The following TMTC1 variants were observed in gnomAD, a reference collection of about 807,000 sequenced individuals.
The protein encoded by TMTC1 is transmembrane O-mannosyltransferase targeting cadherins 1, also known as protein O-mannosyl-transferase TMTC1.
Under a neutral mutation model 104.8 loss-of-function variants are expected in TMTC1, and 73 were observed. That is an observed-to-expected ratio of 0.70 (90% CI 0.58 to 0.85). The LOEUF (loss-of-function observed/expected upper bound fraction) is 0.85. Ranked by LOEUF, TMTC1 falls within the 40% of genes least tolerant of loss-of-function variation. TMTC1 has a pLI of 0.00. For synonymous variants in TMTC1, 434 were observed against 428.7 expected, an observed-to-expected ratio of 1.01 and a Z score of -0.15; for missense variants, 1,035 against 1,096.1, an observed-to-expected ratio of 0.94 and a Z score of 0.79.
At chr12:29,619,278 T>C (rs1947067587) in intron 6 of TMTC1, among the ~76,000 whole-genome samples, 7 of 152,152 alleles carry the variant, frequency 4.6e-5, no homozygotes, top group Admixed American at 4.6e-4. Flanking sequence ...AGACAAATGA[T>C]TTAGCGATGT....
At chr12:29,539,308 T>A (rs962776906) in intron 10 of TMTC1, among the ~76,000 whole-genome samples, 1 of 150,894 alleles carries the variant, frequency 6.6e-6, no homozygotes, top group East Asian at 2.0e-4. Flanking sequence ...TTATCCCATA[T>A]TAAAAATCAG....
At chr12:29,684,962 C>A (rs972499038) in intron 5 of TMTC1, among the ~76,000 whole-genome samples, 1 of 152,040 alleles carries the variant, frequency 6.6e-6, no homozygotes, top group Non-Finnish European at 1.5e-5. Flanking sequence ...TTCTACAAAC[C>A]TTTTTTCCCT....
intron 5 of TMTC1, among the ~76,000 whole-genome samples, chr12:29,686,527 T>A (rs1941099210): frequency 6.6e-6 from 1 of 152,194 alleles, no homozygotes; most frequent in Non-Finnish European, 1.5e-5. Context: ...ATGACATTAC[T>A]GTAGATGGAG....
At chr12:29,561,400 G>A (rs936976657) in intron 9 of TMTC1, among the ~76,000 whole-genome samples, 4 of 152,160 alleles carry the variant, frequency 2.6e-5, no homozygotes, top group African/African-American at 9.7e-5. Flanking sequence ...AGTGGCAGAA[G>A]TGAAATAAAC....
intron 5 of TMTC1, among the ~76,000 whole-genome samples, chr12:29,662,776 T>A (rs925241319): frequency 6.6e-6 from 1 of 151,812 alleles, no homozygotes; most frequent in Non-Finnish European, 1.5e-5. Context: ...CCTTCTCACC[T>A]CTCTTTTCCT....
At chr12:29,579,387 A>G (rs1257554955) in intron 8 of TMTC1, among the ~76,000 whole-genome samples, 1 of 152,242 alleles carries the variant, frequency 6.6e-6, no homozygotes, top group Non-Finnish European at 1.5e-5. Context: ...GACCTTTACA[A>G]AAGAATCTGT....
chr12:29,584,297 C>G (rs188252216), intron 7 of TMTC1, among the ~76,000 whole-genome samples: 19 of 152,150 alleles, frequency 1.2e-4, no homozygotes, highest in South Asian at 2.1e-4. Context: ...CATCTATGCA[C>G]CAACAGAGAT....
chr12:29,570,154 G>C (rs1945627499), intron 9 of TMTC1, among the ~76,000 whole-genome samples: 1 of 151,628 alleles, frequency 6.6e-6, no homozygotes, highest in Non-Finnish European at 1.5e-5. Context: ...CTCCCTTCAA[G>C]AATGCCATCT....
intron 1 of TMTC1, among the ~76,000 whole-genome samples, chr12:29,774,456 GAA>G (rs1306726944): frequency 6.6e-6 from 1 of 151,900 alleles, no homozygotes; most frequent in African/African-American, 2.4e-5. Context: ...ACAAACCAGG[GAA>G]AACCAAAAAT....
At chr12:29,648,007 A>C (rs1939346161) in intron 5 of TMTC1, among the ~76,000 whole-genome samples, 2 of 152,206 alleles carry the variant, frequency 1.3e-5, no homozygotes, top group South Asian at 4.1e-4. Context: ...CCTATGCAGA[A>C]GCCATACTTG....
intron 5 of TMTC1, among the ~76,000 whole-genome samples, chr12:29,690,069 T>C (rs1941220637): frequency 6.6e-6 from 1 of 152,202 alleles, no homozygotes; most frequent in African/African-American, 2.4e-5. Context: ...TGGAACTCAG[T>C]TCAAATACCT....
intron 9 of TMTC1, among the ~76,000 whole-genome samples, chr12:29,562,861 T>G (rs1320695367): frequency 2.0e-5 from 3 of 152,202 alleles, no homozygotes; most frequent in Non-Finnish European, 2.9e-5. Flanking sequence ...GTGATTTGAC[T>G]GGCTCCCTCT....
intron 5 of TMTC1, among the ~76,000 whole-genome samples, chr12:29,687,751 G>A (rs566143678): frequency 1.3e-5 from 2 of 152,222 alleles, no homozygotes; most frequent in African/African-American, 4.8e-5. Flanking sequence ...GGTGCCTGGT[G>A]AGGGATCTCT....
intron 9 of TMTC1, among the ~76,000 whole-genome samples, 189 bp from the exon 10 acceptor site, chr12:29,557,189 G>GA (rs1945268388): frequency 6.6e-6 from 1 of 152,168 alleles, no homozygotes; most frequent in Non-Finnish European, 1.5e-5. Flanking sequence ...TTAGGGCAGG[G>GA]ATGCACATAT....
At chr12:29,685,080 A>G (rs1390804276) in intron 5 of TMTC1, among the ~76,000 whole-genome samples, 1 of 152,092 alleles carries the variant, frequency 6.6e-6, no homozygotes, top group Non-Finnish European at 1.5e-5. Context: ...ACACATTTTT[A>G]TTTTTACAGC....
intron 2 of TMTC1, 128 bp downstream of exon 2, chr12:29,767,770 C>G: frequency 1.3e-6 from 1 of 798,812 alleles, no homozygotes; most frequent in Non-Finnish European, 1.9e-6. Flanking sequence ...ATGTATATAT[C>G]TATATACACA....
chr12:29,529,355 A>C (rs949409284), intron 11 of TMTC1, among the ~76,000 whole-genome samples: 1 of 152,178 alleles, frequency 6.6e-6, no homozygotes, highest in African/African-American at 2.4e-5. Context: ...CAATAGAAAA[A>C]AAAATGTTTC....
At chr12:29,657,986 G>A (rs1188690261) in intron 5 of TMTC1, among the ~76,000 whole-genome samples, 6 of 152,008 alleles carry the variant, frequency 3.9e-5, no homozygotes, top group Non-Finnish European at 5.9e-5. Flanking sequence ...CCAGCTGCTT[G>A]GGAGGCTGAG....
intron 9 of TMTC1, among the ~76,000 whole-genome samples, chr12:29,561,751 T>G (rs1019664513): frequency 3.9e-5 from 6 of 152,230 alleles, no homozygotes; most frequent in Non-Finnish European, 8.8e-5. Context: ...ATTTCATTGT[T>G]CAAATAATAT....
Sources: allele counts gnomAD v4.1 joint callset (sites outside exome capture counted in the v4.1 genomes callset), GRCh38; gene constraint gnomAD v4.1.1; transcripts MANE v1.5; gene names NCBI Gene and HGNC (gene_info 2026-07-23, HGNC 2026-07-21).